The following GABRB1 variants were observed in gnomAD, a reference collection of about 807,000 sequenced individuals.
The protein encoded by GABRB1 is gamma-aminobutyric acid receptor subunit beta-1.
Under a neutral mutation model 51.6 loss-of-function variants are expected in GABRB1, and 17 were observed. That is an observed-to-expected ratio of 0.33 (90% CI 0.23 to 0.49). GABRB1 has a LOEUF of 0.49. GABRB1 is among the 20% of genes least tolerant of loss of function. The pLI, the probability that GABRB1 is intolerant of heterozygous loss-of-function variation, is 0.99. For missense variants in GABRB1, 410 were observed against 600.6 expected (o/e 0.68, Z 3.32); for synonymous variants, 247 against 218.9 (o/e 1.13, Z -1.14).
chr4:47,203,368 A>T (rs1476219573), intron 4 of GABRB1, among the ~76,000 whole-genome samples: 1 of 139,342 alleles, frequency 7.2e-6, no homozygotes, highest in Non-Finnish European at 1.5e-5. Flanking sequence ...AAATGCCATT[A>T]ACTGCTGCTA....
chr4:47,093,668 T>TAATC (rs1307571310), intron 3 of GABRB1, among the ~76,000 whole-genome samples: 1 of 152,218 alleles, frequency 6.6e-6, no homozygotes, highest in African/African-American at 2.4e-5. Flanking sequence ...AATAAGTTCT[T>TAATC]AATCAAAAGT....
chr4:47,408,367 T>C (rs2110056667), intron 8 of GABRB1, among the ~76,000 whole-genome samples: 1 of 152,290 alleles, frequency 6.6e-6, no homozygotes, highest in African/African-American at 2.4e-5. Context: ...AGCAGAGTAG[T>C]GTGAAATGTG....
intron 3 of GABRB1, among the ~76,000 whole-genome samples, chr4:47,048,451 C>A (rs924316544): frequency 2.6e-5 from 4 of 152,104 alleles, no homozygotes; most frequent in African/African-American, 7.2e-5. Context: ...AATGACCACA[C>A]CTCATACTGT....
At chr4:47,289,617 AT>A (rs1036039062) in intron 4 of GABRB1, among the ~76,000 whole-genome samples, 20 of 152,330 alleles carry the variant, frequency 1.3e-4, no homozygotes, top group African/African-American at 4.8e-4. Context: ...TGGAAGGAGC[AT>A]GGTCTTCCAA....
intron 4 of GABRB1, among the ~76,000 whole-genome samples, chr4:47,222,327 C>T (rs1462057671): frequency 4.6e-5 from 7 of 152,068 alleles, no homozygotes; most frequent in South Asian, 2.1e-4. Flanking sequence ...CTCTGTGGCA[C>T]GTTGCTACAG....
At chr4:47,183,379 T>C (rs975182376) in intron 4 of GABRB1, among the ~76,000 whole-genome samples, 1 of 133,482 alleles carries the variant, frequency 7.5e-6, no homozygotes, top group African/African-American at 2.8e-5. Flanking sequence ...TATATATATA[T>C]ATTCCACCAC....
chr4:47,409,916 G>C (rs1049321109), intron 8 of GABRB1, among the ~76,000 whole-genome samples: 1 of 152,230 alleles, frequency 6.6e-6, no homozygotes, highest in African/African-American at 2.4e-5. Flanking sequence ...TGTCATGTCA[G>C]ATCTAGATGT....
intron 4 of GABRB1, among the ~76,000 whole-genome samples, chr4:47,283,188 G>A (rs1560313130): frequency 6.6e-6 from 1 of 151,952 alleles, no homozygotes; most frequent in Non-Finnish European, 1.5e-5. Context: ...TAGATAATTG[G>A]TTGATAAGGT....
At chr4:47,388,485 G>A (rs550676262) in intron 5 of GABRB1, among the ~76,000 whole-genome samples, 2 of 152,222 alleles carry the variant, frequency 1.3e-5, no homozygotes, top group East Asian at 1.9e-4. Context: ...AAGTAATGGG[G>A]CTTTCCAGAG....
chr4:47,261,600 G>A (rs1327271328), intron 4 of GABRB1, among the ~76,000 whole-genome samples: 5 of 152,032 alleles, frequency 3.3e-5, no homozygotes, highest in African/African-American at 1.2e-4. Flanking sequence ...TCAATATCGT[G>A]AAAATGGCCA....
At chr4:47,395,154 A>G (rs1174746838) in intron 5 of GABRB1, among the ~76,000 whole-genome samples, 1 of 152,172 alleles carries the variant, frequency 6.6e-6, no homozygotes, top group African/African-American at 2.4e-5. Context: ...ACCTCCCTGT[A>G]TTAGTTTGTT....
chr4:47,266,518 C>A (rs961006602), intron 4 of GABRB1, among the ~76,000 whole-genome samples: 6 of 152,036 alleles, frequency 3.9e-5, no homozygotes, highest in African/African-American at 1.2e-4. Flanking sequence ...TAGTTTCTGT[C>A]TTAATTTCAT....
At chr4:47,027,695 A>G (rs114455692), upstream of GABRB1, among the ~76,000 whole-genome samples, 45 of 151,794 alleles carry the variant, frequency 3.0e-4, no homozygotes, top group African/African-American at 1.0e-3. Flanking sequence ...TGAGATTTTT[A>G]GATTGTATTA....
intron 5 of GABRB1, among the ~76,000 whole-genome samples, chr4:47,332,080 T>C (rs1207550823): frequency 6.6e-6 from 1 of 152,210 alleles, no homozygotes; most frequent in Non-Finnish European, 1.5e-5. Context: ...TTGGTCCTTC[T>C]CTCTCACCGA....
intron 3 of GABRB1, among the ~76,000 whole-genome samples, chr4:47,123,367 C>T (rs1715877831): frequency 8.6e-6 from 1 of 115,736 alleles, no homozygotes; most frequent in Admixed American, 1.1e-4. Flanking sequence ...ATATATTATA[C>T]TTTAGATATT....
chr4:47,174,528 T>C (rs938956383), intron 4 of GABRB1, among the ~76,000 whole-genome samples: 3 of 152,194 alleles, frequency 2.0e-5, no homozygotes, highest in African/African-American at 7.2e-5. Context: ...AATTATAAAA[T>C]GTTTAATTAG....
intron 5 of GABRB1, among the ~76,000 whole-genome samples, chr4:47,380,059 T>G (rs1727539510): frequency 6.7e-6 from 1 of 149,410 alleles, no homozygotes; most frequent in African/African-American, 2.5e-5. Context: ...ACATGGATGC[T>G]TTTGATATAG....
chr4:47,168,989 C>T (rs1431150300), intron 4 of GABRB1, among the ~76,000 whole-genome samples: 2 of 152,030 alleles, frequency 1.3e-5, no homozygotes, highest in African/African-American at 2.4e-5. Flanking sequence ...CACCAGCCAT[C>T]ACCAGTCATA....
At position 47,426,103 on chromosome 4, in the gene GABRB1, TTCTC is replaced by T; in HGVS notation, c.*86_*89del. 9.0e-7 allele frequency: 1 copy of T among 1,112,240 alleles called. No individual in the cohort carries two copies. The highest frequency in any genetic ancestry group is 1.3e-6 in the Non-Finnish European group (1 of 781,888). 68.9% of individuals were successfully genotyped at this position (1,112,240 alleles called of 1,614,324 possible). Reference sequence around the variant, plus strand: ...AGGTCCCCAACAGCGATACTGCTGTTTCTCGAGGTAAGAGATTCAGCCATCCAAT... The same window carrying T: ...AGGTCCCCAACAGCGATACTGCTGTTGAGGTAAGAGATTCAGCCATCCAAT... On this transcript the variant is annotated 3_prime_UTR_variant, in exon 9 of 9. Coordinates refer to ENST00000295454, the MANE Select transcript of GABRB1 (RefSeq NM_000812.4).
Sources: allele counts gnomAD v4.1 joint callset (sites outside exome capture counted in the v4.1 genomes callset), GRCh38; gene constraint gnomAD v4.1.1; transcripts MANE v1.5; gene names NCBI Gene and HGNC (gene_info 2026-07-23, HGNC 2026-07-21).